UNC5D: variants seen among roughly 807,000 people sequenced by gnomAD.
The protein encoded by UNC5D is netrin receptor UNC5D.
Under a neutral mutation model 105.4 loss-of-function variants are expected in UNC5D, and 39 were observed. The observed-to-expected ratio is 0.37, with a 90% CI of 0.29 to 0.48. The LOEUF (loss-of-function observed/expected upper bound fraction) is 0.48, where lower values mean the gene tolerates loss of function less well. Ranked by LOEUF, UNC5D falls within the 20% of genes least tolerant of loss-of-function variation. The probability of loss-of-function intolerance (pLI) is 0.98; values close to 1 mark genes in which losing one functional copy is unlikely to be tolerated. For missense variants in UNC5D, 991 were observed against 1,202.4 expected, an observed-to-expected ratio of 0.82 and a Z score of 2.60; for synonymous variants, 452 against 450.4, an observed-to-expected ratio of 1.00 and a Z score of -0.04.
intron 1 of UNC5D, among the ~76,000 whole-genome samples, chr8:35,420,638 CT>C (rs1805837799): frequency 9.9e-5 from 15 of 152,168 alleles, no homozygotes; most frequent in Admixed American, 9.8e-4. Context: ...CCAGATGTGC[CT>C]CCTACTCTCC....
intron 1 of UNC5D, among the ~76,000 whole-genome samples, chr8:35,390,891 A>T (rs2128940658): frequency 6.6e-6 from 1 of 152,360 alleles, no homozygotes. Context: ...AAAAACAATA[A>T]AAATAGGAAC....
intron 4 of UNC5D, among the ~76,000 whole-genome samples, chr8:35,595,927 A>G (rs1335552684): frequency 5.3e-5 from 8 of 152,158 alleles, no homozygotes; most frequent in African/African-American, 1.9e-4. Context: ...GGGACCTTGA[A>G]TCATGCAGGT....
chr8:35,741,167 T>C (rs1161625180), intron 11 of UNC5D, among the ~76,000 whole-genome samples: 2 of 152,186 alleles, frequency 1.3e-5, no homozygotes, highest in Non-Finnish European at 2.9e-5. Context: ...TTACACATGA[T>C]TTGTGATTCC....
At chr8:35,388,591 G>A (rs1013223410) in intron 1 of UNC5D, among the ~76,000 whole-genome samples, 4 of 152,114 alleles carry the variant, frequency 2.6e-5, no homozygotes, top group Non-Finnish European at 4.4e-5. Context: ...AACAGATCAC[G>A]GGCAAGTACA....
At chr8:35,542,214 T>TATTTGGTATGTAA (rs1397065745) in intron 1 of UNC5D, among the ~76,000 whole-genome samples, 2 of 152,166 alleles carry the variant, frequency 1.3e-5, no homozygotes, top group Non-Finnish European at 2.9e-5. Flanking sequence ...TTGCATTAAA[T>TATTTGGTATGTAA]ATTTGGTATG....
chr8:35,669,430 A>G (rs527753365), intron 4 of UNC5D, among the ~76,000 whole-genome samples: 1 of 152,228 alleles, frequency 6.6e-6, no homozygotes, highest in South Asian at 2.1e-4. Context: ...TCACTTGTCT[A>G]AGTCAGAAAT....
At chr8:35,386,922 G>C (rs1235261287) in intron 1 of UNC5D, among the ~76,000 whole-genome samples, 9 of 151,940 alleles carry the variant, frequency 5.9e-5, no homozygotes, top group Non-Finnish European at 1.3e-4. Flanking sequence ...GTGATGAGGG[G>C]GAGTTAAAGA....
Position 35,252,167 on chromosome 8 carries a change from C to A in UNC5D, c.103+16280C>A, listed in dbSNP as rs370158260. Among the ~76,000 whole-genome samples the A allele has an allele frequency of 3.2e-4, 48 of 151,898 alleles. 1 individual carries two copies. The highest frequency in any genetic ancestry group is 1.1e-3 in the African/African-American group (47 of 41,444). ...CCTCCTGAGTAGCTGGGACTACAGG[C>A]GCCAATGGTTCTTTATTTATGAAAA... On this transcript the variant is annotated intron_variant, in intron 1 of 16. Transcript: ENST00000404895.
At chr8:35,400,515 A>G (rs1804389491) in intron 1 of UNC5D, among the ~76,000 whole-genome samples, 1 of 152,096 alleles carries the variant, frequency 6.6e-6, no homozygotes, top group African/African-American at 2.4e-5. Context: ...TTCCTTCCTT[A>G]TAGGTCTAAA....
At chr8:35,641,366 CA>C (rs377021599) in intron 4 of UNC5D, among the ~76,000 whole-genome samples, 3,290 of 44,326 alleles carry the variant, frequency 0.074, 34 homozygotes, top group African/African-American at 0.11. Flanking sequence ...AAAAATAAAG[CA>C]AAAAAAAAAA....
chr8:35,622,193 T>C (rs1821401218), intron 4 of UNC5D, among the ~76,000 whole-genome samples: 1 of 152,004 alleles, frequency 6.6e-6, no homozygotes, highest in Non-Finnish European at 1.5e-5. Context: ...ATTACAAAAA[T>C]TAGCTGGGCG....
At chr8:35,664,126 A>G (rs557232548) in intron 4 of UNC5D, among the ~76,000 whole-genome samples, 10 of 152,288 alleles carry the variant, frequency 6.6e-5, no homozygotes, top group Non-Finnish European at 1.5e-4. Context: ...AGTCAGATAT[A>G]TTTAAAGGGC....
At chr8:35,547,318 G>T (rs551420745) in intron 1 of UNC5D, among the ~76,000 whole-genome samples, 207 of 139,874 alleles carry the variant, frequency 1.5e-3, no homozygotes, top group African/African-American at 5.3e-3. Flanking sequence ...TTGAGACAGA[G>T]TCTCACTATG....
At chr8:35,748,866 C>G (rs1300525778) in intron 12 of UNC5D, among the ~76,000 whole-genome samples, 171 bp downstream of exon 12, 5 of 152,110 alleles carry the variant, frequency 3.3e-5, no homozygotes, top group Admixed American at 6.6e-5. Context: ...TCTTCCCCCC[C>G]CATTATAATA....
At chr8:35,583,648 C>T (rs1300087989) in intron 3 of UNC5D, among the ~76,000 whole-genome samples, 1 of 152,152 alleles carries the variant, frequency 6.6e-6, no homozygotes, top group Non-Finnish European at 1.5e-5. Context: ...TTTGGTGGAA[C>T]ATGATGTAAA....
At chr8:35,293,556 C>A (rs1807237560) in intron 1 of UNC5D, among the ~76,000 whole-genome samples, 1 of 152,190 alleles carries the variant, frequency 6.6e-6, no homozygotes, top group Non-Finnish European at 1.5e-5. Flanking sequence ...TCTTGAATTT[C>A]TCCAAGGATC....
At chr8:35,522,095 CACACA>C (rs1813526360) in intron 1 of UNC5D, among the ~76,000 whole-genome samples, 1 of 152,198 alleles carries the variant, frequency 6.6e-6, no homozygotes, top group Middle Eastern at 3.2e-3. Flanking sequence ...ACAAACATGA[CACACA>C]ACACCCACTG....
chr8:35,321,456 T>G (rs1433232803), intron 1 of UNC5D, among the ~76,000 whole-genome samples: 1 of 152,162 alleles, frequency 6.6e-6, no homozygotes, highest in Non-Finnish European at 1.5e-5. Flanking sequence ...TGGTAGTTCC[T>G]CCTGTGTTTA....
chr8:35,248,630 ATGTT>A (rs1803378681), intron 1 of UNC5D, among the ~76,000 whole-genome samples: 1 of 98,010 alleles, frequency 1.0e-5, no homozygotes. Context: ...ATATAAATAT[ATGTT>A]ATATATAATA....
Sources: allele counts gnomAD v4.1 joint callset (sites outside exome capture counted in the v4.1 genomes callset), GRCh38; gene constraint gnomAD v4.1.1; transcripts MANE v1.5; gene names NCBI Gene and HGNC (gene_info 2026-07-23, HGNC 2026-07-21).